TBCK: variants seen among roughly 807,000 people sequenced by gnomAD.
TBCK encodes TBC1 domain containing kinase, also known as TBC domain-containing protein kinase-like protein.
A neutral mutation model predicts 113.4 loss-of-function variants in TBCK; 99 were observed. The ratio of observed to expected loss-of-function variants is 0.87; its 90% confidence interval spans 0.74 to 1.03. The LOEUF is 1.03. TBCK is among the 50% of genes least tolerant of loss of function. TBCK has a pLI of 0.00. For synonymous variants in TBCK, 369 were observed against 370.8 expected (o/e 1.00, Z 0.05); for missense variants, 1,045 against 1,061.3 (o/e 0.98, Z 0.21).
chr4:106,231,942 G>C (rs937396650), intron 17 of TBCK, among the ~76,000 whole-genome samples, 163 bp from the exon 18 acceptor site: 5 of 151,788 alleles, frequency 3.3e-5, no homozygotes, highest in Non-Finnish European at 7.4e-5. Context: ...TGGGGAGTGA[G>C]TGATAGTGTA....
intron 25 of TBCK, among the ~76,000 whole-genome samples, chr4:106,087,680 C>G (rs1026508699): frequency 6.6e-6 from 1 of 152,192 alleles, no homozygotes; most frequent in African/African-American, 2.4e-5. Context: ...TGACTTCAAA[C>G]TATACTACAT....
intron 3 of TBCK, among the ~76,000 whole-genome samples, chr4:106,265,581 A>C (rs2150112568): frequency 6.6e-6 from 1 of 151,796 alleles, no homozygotes; most frequent in South Asian, 2.1e-4. Flanking sequence ...AGAGTGAGAG[A>C]AATCCAAACC....
chr4:106,063,721 G>A (rs1248905188), intron 25 of TBCK, among the ~76,000 whole-genome samples: 1 of 151,736 alleles, frequency 6.6e-6, no homozygotes, highest in East Asian at 1.9e-4. Context: ...GGGGTGATGA[G>A]GTCATGAGGG....
intron 6 of TBCK, among the ~76,000 whole-genome samples, chr4:106,251,522 C>T (rs13114479): frequency 0.6 from 90,568 of 151,576 alleles, 27,344 homozygotes; most frequent in Non-Finnish European, 0.64. Context: ...CTTCTAAAAA[C>T]GTAGTTTTCA....
chr4:106,316,522 T>A (rs1768897987), upstream of TBCK: 1 of 1,551,498 alleles, frequency 6.4e-7, no homozygotes, highest in Non-Finnish European at 8.7e-7. Flanking sequence ...TTCTCACTGC[T>A]ATAGTACGCG....
At chr4:106,268,937 G>A (rs576321267) in intron 3 of TBCK, among the ~76,000 whole-genome samples, 2 of 152,170 alleles carry the variant, frequency 1.3e-5, no homozygotes, top group East Asian at 3.9e-4. Context: ...TCAGATCCAT[G>A]ATCCATGATA....
At chr4:106,117,825 C>T (rs1205251712) in intron 23 of TBCK, among the ~76,000 whole-genome samples, 7 of 151,856 alleles carry the variant, frequency 4.6e-5, no homozygotes, top group South Asian at 4.2e-4. Context: ...CTGGCTAAAC[C>T]GGTGAAACCC....
At chr4:106,064,129 T>C (rs896567434) in intron 25 of TBCK, among the ~76,000 whole-genome samples, 1 of 151,934 alleles carries the variant, frequency 6.6e-6, no homozygotes, top group African/African-American at 2.4e-5. Flanking sequence ...AGATCAAATA[T>C]ACTAGGGCTA....
chr4:106,270,994 T>C (rs1763417429), intron 3 of TBCK, among the ~76,000 whole-genome samples: 1 of 152,214 alleles, frequency 6.6e-6, no homozygotes, highest in Admixed American at 6.5e-5. Context: ...ATAAGCTTCC[T>C]ATGATTCATA....
At chr4:106,056,595 A>AT (rs1735437810) in intron 25 of TBCK, among the ~76,000 whole-genome samples, 1 of 145,184 alleles carries the variant, frequency 6.9e-6, no homozygotes, top group Non-Finnish European at 1.5e-5. Context: ...CTTCTACTTC[A>AT]TTTTAGAGTC....
intron 25 of TBCK, among the ~76,000 whole-genome samples, chr4:106,081,833 C>T (rs1738906750): frequency 2.0e-5 from 3 of 152,224 alleles, no homozygotes; most frequent in Admixed American, 2.0e-4. Context: ...ATATATGCCA[C>T]TAACAAATAT....
chr4:106,311,198 CCT>C (rs1232830357), intron 1 of TBCK, among the ~76,000 whole-genome samples: 3 of 107,276 alleles, frequency 2.8e-5, no homozygotes, highest in Non-Finnish European at 5.3e-5. Context: ...TACAGAAACT[CCT>C]ACACACACAC....
At chr4:106,231,839 T>C in intron 17 of TBCK, 60 bp from the exon 18 acceptor site, 1 of 1,403,262 alleles carries the variant, frequency 7.1e-7, no homozygotes, top group East Asian at 2.3e-5. Flanking sequence ...GAATTGAAGA[T>C]ATATACCTTA....
intron 25 of TBCK, among the ~76,000 whole-genome samples, chr4:106,077,131 T>G (rs1738290924): frequency 6.6e-6 from 1 of 152,040 alleles, no homozygotes; most frequent in Admixed American, 6.6e-5. Flanking sequence ...TACGGGAATC[T>G]GATAGCAGTA....
intron 25 of TBCK, among the ~76,000 whole-genome samples, chr4:106,053,322 T>C (rs1735022384): frequency 6.6e-6 from 1 of 151,746 alleles, no homozygotes; most frequent in Admixed American, 6.6e-5. Flanking sequence ...TTATTAAGAC[T>C]GGCAGTAATC....
In TBCK at chr4:106,242,589, A is replaced by C; in HGVS notation, c.1071-20T>G. ...AGAAAACTGAAAAGAAATTTTTAAA[A>C]ATAATATGTACACAAAATCCAGTTT... On this transcript the variant is annotated intron_variant, in intron 11 of 25. Coordinates refer to ENST00000394708, the MANE Select transcript of TBCK (RefSeq NM_001163435.3). 1 of 1,544,312 alleles carries C rather than the reference A, an allele frequency of 6.5e-7. No individual in the cohort carries two copies.
At chr4:106,230,199 A>G (rs187609461) in intron 19 of TBCK, among the ~76,000 whole-genome samples, 164 bp downstream of exon 19, 2 of 152,000 alleles carry the variant, frequency 1.3e-5, no homozygotes, top group Admixed American at 1.3e-4. Context: ...TTCTTTGTGG[A>G]TTTGGAGGAA....
intron 3 of TBCK, among the ~76,000 whole-genome samples, chr4:106,262,808 C>T (rs1215775911): frequency 6.6e-6 from 1 of 151,910 alleles, no homozygotes; most frequent in South Asian, 2.1e-4. Context: ...GTCTCTCTCA[C>T]CAACCATCTC....
rs994884711 is a variant in TBCK at position 106,046,457 on chromosome 4, C to T, written c.*113G>A. ...AAAAAATGTCTCGTGACAAACTTTA[C>T]GGAAATGCAACAATCTGGACATCTA... is the stretch of plus-strand genomic sequence containing the variant. On this transcript the variant is annotated 3_prime_UTR_variant, in exon 26 of 26. Transcript: ENST00000394708. 16 of 609,678 alleles carry T rather than the reference C, an allele frequency of 2.6e-5. No homozygotes were observed. The highest frequency in any genetic ancestry group is 1.4e-4 in the South Asian group (6 of 42,978). The allele number at this position is 609,678 out of a possible 1,614,324, so 37.8% of individuals were successfully genotyped here. A position where few individuals can be genotyped will look rare whatever the true frequency, so the allele number is the denominator to read the frequency against.
Sources: gnomAD v4.1 joint callset for allele counts (sites outside exome capture counted in the v4.1 genomes callset) on GRCh38, gnomAD v4.1.1 for gene constraint, MANE v1.5 for transcripts, NCBI Gene and HGNC (gene_info 2026-07-23, HGNC 2026-07-21) for gene names.